IL1RAPL2: variants seen among roughly 807,000 people sequenced by gnomAD.
IL1RAPL2 encodes the protein X-linked interleukin-1 receptor accessory protein-like 2.
In IL1RAPL2, 3 loss-of-function variants were observed where a neutral mutation model predicts 44.1. The ratio of observed to expected loss-of-function variants is 0.07; its 90% CI spans 0.03 to 0.18. The LOEUF (loss-of-function observed/expected upper bound fraction) is 0.18, where lower values mean the gene tolerates loss of function less well. IL1RAPL2 is among the 10% of genes least tolerant of loss of function. IL1RAPL2 has a pLI of 1.00. For missense variants in IL1RAPL2, 391 were observed against 496.4 expected (o/e 0.79, Z 2.02); for synonymous variants, 181 against 178.8 (o/e 1.01, Z -0.10).
At chrX:105,746,607 T>C (rs886806649) in intron 8 of IL1RAPL2, among the ~76,000 whole-genome samples, 2 of 111,807 alleles carry the variant, frequency 1.8e-5, no homozygotes, top group African/African-American at 6.5e-5. Flanking sequence ...ATAATATCTT[T>C]CAAAGACATT....
chrX:104,590,215 T>A (rs1928637633), intron 1 of IL1RAPL2, among the ~76,000 whole-genome samples: 1 of 111,198 alleles, frequency 9.0e-6, no homozygotes, highest in South Asian at 3.9e-4. Flanking sequence ...CAGCTAATTT[T>A]TGTATTTTTA....
chrX:105,573,118 G>C (rs1282312364), intron 6 of IL1RAPL2, among the ~76,000 whole-genome samples: 1 of 111,446 alleles, frequency 9.0e-6, no homozygotes. Context: ...GAGTGCAATG[G>C]TGTGATCACG....
intron 2 of IL1RAPL2, among the ~76,000 whole-genome samples, chrX:104,829,694 C>T (rs895738014): frequency 2.1e-4 from 24 of 112,320 alleles, no homozygotes; most frequent in South Asian, 7.3e-4. Flanking sequence ...TAACACGACG[C>T]GACGTTTTAA....
chrX:104,856,525 C>T (rs761521508), intron 2 of IL1RAPL2, among the ~76,000 whole-genome samples: 1 of 111,907 alleles, frequency 8.9e-6, no homozygotes, highest in Non-Finnish European at 1.9e-5. Flanking sequence ...CTTGAAAGGT[C>T]ATGAATAATT....
intron 2 of IL1RAPL2, among the ~76,000 whole-genome samples, chrX:104,861,842 G>T (rs182063391): frequency 2.7e-5 from 3 of 111,769 alleles, no homozygotes; most frequent in African/African-American, 9.7e-5. Context: ...TTGTTGTATT[G>T]TTATTTTTTC....
chrX:104,597,876 T>G (rs1425399982), intron 1 of IL1RAPL2, among the ~76,000 whole-genome samples: 1 of 112,003 alleles, frequency 8.9e-6, no homozygotes. Context: ...CTATTGAACA[T>G]CAAATGAGAA....
intron 2 of IL1RAPL2, among the ~76,000 whole-genome samples, chrX:104,693,519 T>C (rs1298695909): frequency 1.8e-5 from 2 of 111,921 alleles, no homozygotes; most frequent in Admixed American, 9.5e-5. Context: ...ACTCAGGGGT[T>C]TGCTGCATGA....
At chrX:105,247,490 G>T (rs1239823133) in intron 4 of IL1RAPL2, among the ~76,000 whole-genome samples, 1 of 110,343 alleles carries the variant, frequency 9.1e-6, no homozygotes, top group Non-Finnish European at 1.9e-5. Context: ...GCCCAAAGAG[G>T]TTAAGTGACT....
At chrX:105,209,246 A>T (rs782426370) in intron 3 of IL1RAPL2, among the ~76,000 whole-genome samples, 13 of 111,359 alleles carry the variant, frequency 1.2e-4, no homozygotes, top group Admixed American at 8.6e-4. Context: ...AAACAAAGAT[A>T]AAAAAAATCA....
At chrX:105,455,556 A>G (rs1293522712) in intron 5 of IL1RAPL2, among the ~76,000 whole-genome samples, 1 of 112,115 alleles carries the variant, frequency 8.9e-6, no homozygotes, top group East Asian at 2.8e-4. Flanking sequence ...CCATTATCCC[A>G]GCATCATTTG....
At chrX:105,713,447 A>G (rs1454744246) in intron 6 of IL1RAPL2, among the ~76,000 whole-genome samples, 2 of 111,456 alleles carry the variant, frequency 1.8e-5, no homozygotes, top group Non-Finnish European at 3.8e-5. Flanking sequence ...TGGGGCTTGC[A>G]CACTCTGACA....
intron 6 of IL1RAPL2, among the ~76,000 whole-genome samples, chrX:105,689,768 C>G (rs1258708356): frequency 8.9e-6 from 1 of 112,030 alleles, no homozygotes; most frequent in Non-Finnish European, 1.9e-5. Context: ...CACATGCACA[C>G]GTATGTTTAC....
intron 1 of IL1RAPL2, among the ~76,000 whole-genome samples, chrX:104,618,993 G>A (rs1002510889): frequency 2.7e-5 from 3 of 112,056 alleles, no homozygotes; most frequent in Non-Finnish European, 5.6e-5. Context: ...CTGGTTTCCA[G>A]TCATCAAGCT....
intron 2 of IL1RAPL2, among the ~76,000 whole-genome samples, chrX:104,740,057 C>G (rs1374739039): frequency 9.0e-6 from 1 of 111,415 alleles, no homozygotes; most frequent in Non-Finnish European, 1.9e-5. Context: ...TTACTAGAAA[C>G]TATCAGCAGG....
At chrX:105,643,435 T>G (rs2037582791) in intron 6 of IL1RAPL2, among the ~76,000 whole-genome samples, 1 of 111,312 alleles carries the variant, frequency 9.0e-6, no homozygotes, top group Non-Finnish European at 1.9e-5. Flanking sequence ...AACCTGGGCT[T>G]TTGCATGTTG....
chrX:104,853,462 G>A (rs867077320), intron 2 of IL1RAPL2, among the ~76,000 whole-genome samples: 2 of 110,997 alleles, frequency 1.8e-5, no homozygotes, highest in Non-Finnish European at 3.8e-5. Context: ...GAGTTTAGCC[G>A]ATAAGGAATG....
chrX:105,193,012 G>A (rs2033645172), intron 2 of IL1RAPL2, among the ~76,000 whole-genome samples: 1 of 111,897 alleles, frequency 8.9e-6, no homozygotes. Flanking sequence ...GCAATTAAAT[G>A]TCTTACACTG....
intron 1 of IL1RAPL2, among the ~76,000 whole-genome samples, chrX:104,609,226 T>C (rs894274691): frequency 8.9e-6 from 1 of 112,389 alleles, no homozygotes; most frequent in Non-Finnish European, 1.9e-5. Flanking sequence ...GATCTGCTGT[T>C]AGTCTGATGG....
At chrX:104,700,348 A>G (rs1439831804) in intron 2 of IL1RAPL2, among the ~76,000 whole-genome samples, 1 of 111,587 alleles carries the variant, frequency 9.0e-6, no homozygotes, top group Non-Finnish European at 1.9e-5. Context: ...CAGAGGACCT[A>G]CTTTCTTTCT....
Sources: gnomAD v4.1 joint callset for allele counts (sites outside exome capture counted in the v4.1 genomes callset) on GRCh38, gnomAD v4.1.1 for gene constraint, MANE v1.5 for transcripts, NCBI Gene and HGNC (gene_info 2026-07-23, HGNC 2026-07-21) for gene names.